The following GAS6 variants were observed in gnomAD, a reference collection of about 807,000 sequenced individuals.
GAS6 encodes the protein growth arrest-specific protein 6.
Under a neutral mutation model 75.8 loss-of-function variants are expected in GAS6, and 41 were observed. The ratio of observed to expected loss-of-function variants is 0.54; its 90% CI spans 0.42 to 0.70. The LOEUF (loss-of-function observed/expected upper bound fraction) is 0.70. Among genes scored for constraint, GAS6 ranks in the 30% least tolerant of loss-of-function variants. GAS6 has a pLI of 0.00. For synonymous variants in GAS6, 432 were observed against 412.6 expected (o/e 1.05, Z -0.57); for missense variants, 854 against 940.2 (o/e 0.91, Z 1.20).
intron 6 of GAS6, chr13:113,835,854 G>A: frequency 5.2e-6 from 7 of 1,353,438 alleles, no homozygotes; most frequent in Non-Finnish European, 6.6e-6. Context: ...TGGGAAGGCT[G>A]ACTTCAGCCC....
At chr13:113,838,217 G>A in intron 5 of GAS6, 26 bp from the exon 6 acceptor site, 1 of 1,610,964 alleles carries the variant, frequency 6.2e-7, no homozygotes, top group Non-Finnish European at 8.5e-7. Context: ...GGCCTGAAGG[G>A]GAGCCCAAGG....
intron 4 of GAS6, chr13:113,843,009 A>C (rs1443631496): frequency 2.5e-6 from 1 of 394,698 alleles, no homozygotes; most frequent in Non-Finnish European, 4.4e-6. Context: ...GAATGTATTG[A>C]TACCTCTAGG....
At chr13:113,821,812 C>T in intron 14 of GAS6, 146 bp downstream of exon 14, 2 of 648,200 alleles carry the variant, frequency 3.1e-6, no homozygotes, top group African/African-American at 1.8e-5. Context: ...TAACGACCCA[C>T]CTGGACTTCT....
In GAS6 at chr13:113,828,633, C is replaced by T. The variant is rs2051584743; in HGVS notation, c.1222G>A (p.Asp408Asn). 1 of 1,613,574 alleles carries T rather than the reference C, an allele frequency of 6.2e-7. No individual in the cohort carries two copies. Among genetic ancestry groups the T allele is most frequent in the African/African-American group, 1.3e-5 (1 of 75,070 alleles). ...AGTCCTCGCTCCGGTTGGAACAAGT[C>T]CCCGGCCACCGCGATTTTCATGACA... is the stretch of plus-strand genomic sequence containing the variant. ...DAVMKIAVAG[D>N]LFQPERGLYH... is the part of the protein sequence containing the mutation. Residue 408 changes from aspartate to asparagine, a missense_variant, in exon 11 of 15, where the codon GAC (aspartate) becomes AAC (asparagine). Asp to Asn is a conservative substitution (Grantham distance 23). Coordinates refer to ENST00000327773, the MANE Select transcript of GAS6 (RefSeq NM_000820.4).
intron 3 of GAS6, chr13:113,846,961 T>G (rs1273748669): frequency 2.0e-6 from 1 of 488,316 alleles, no homozygotes; most frequent in East Asian, 5.8e-5. Context: ...AACGCTGTGC[T>G]TAACTGGAAA....
chr13:113,863,910 G>A lies in GAS6; in HGVS notation c.11C>T (p.Ser4Leu). The change falls in exon 1 of 15, where the codon TCG (serine) becomes TTG (leucine). Residue 4 changes from serine (S) to leucine (L), a missense_variant. Transcript: ENST00000327773. This position sits in a 1 kb window ranked among gnomAD's most constrained non-coding sequence, Gnocchi z 9.4. ...CAGGGCGGCGGGCCCGGGCGAGAGC[G>A]AAGGGGCCATGGCGGGCCGGGGACG... is the stretch of plus-strand genomic sequence containing the variant. MAP[S>L]LSPGPAALRR... The A allele has an allele frequency of 2.6e-6, 3 of 1,174,062 alleles. No individual in the cohort carries two copies. Among genetic ancestry groups the A allele is most frequent in the Non-Finnish European group, 3.1e-6 (3 of 952,688 alleles). 72.7% of individuals were successfully genotyped at this position (1,174,062 alleles called of 1,614,324 possible). A position where few individuals can be genotyped will look rare whatever the true frequency, so the allele number is the denominator to read the frequency against.
At chr13:113,847,990 T>C (rs1202794369) in intron 3 of GAS6, 36 bp downstream of exon 3, 7 of 1,600,684 alleles carry the variant, frequency 4.4e-6, no homozygotes, top group Non-Finnish European at 5.1e-6. Context: ...ACTATGCCTC[T>C]ACGACAACCA....
At chr13:113,858,607 GTC>G (rs2051935223) in intron 2 of GAS6, among the ~76,000 whole-genome samples, 1 of 149,214 alleles carries the variant, frequency 6.7e-6, no homozygotes, top group African/African-American at 2.5e-5. Context: ...ATGTGTACAT[GTC>G]TGTGTGTGCC....
chr13:113,839,514 G>A, intron 5 of GAS6: 1 of 587,152 alleles, frequency 1.7e-6, no homozygotes, highest in South Asian at 2.5e-5. Flanking sequence ...GCATCACTTG[G>A]TGTTTCCTTT....
chr13:113,858,359 G>A (rs1029089855), intron 2 of GAS6, among the ~76,000 whole-genome samples: 4 of 152,208 alleles, frequency 2.6e-5, no homozygotes, highest in African/African-American at 9.7e-5. Flanking sequence ...ATGTCTATGT[G>A]AATGTGTGCA....
At chr13:113,862,598 GATGAGCT>G (rs1257694623) in intron 2 of GAS6, among the ~76,000 whole-genome samples, 1 of 152,226 alleles carries the variant, frequency 6.6e-6, no homozygotes, top group East Asian at 1.9e-4. Context: ...TCTCTGCAGG[GATGAGCT>G]ATGTCCACAA....
intron 2 of GAS6, among the ~76,000 whole-genome samples, chr13:113,855,410 C>T (rs1251469707): frequency 1.7e-4 from 26 of 152,232 alleles, no homozygotes; most frequent in African/African-American, 5.8e-4. Flanking sequence ...CCAGCCACCA[C>T]GTTCTATGAT....
chr13:113,835,915 G>A (rs2051697429), intron 6 of GAS6: 1 of 1,287,634 alleles, frequency 7.8e-7, no homozygotes, highest in Non-Finnish European at 9.8e-7. Flanking sequence ...GTGGGGGGCG[G>A]CGGTGCACGC....
In GAS6 at chr13:113,835,650, A is replaced by C; in HGVS notation, c.590-15T>G. On this transcript the variant is annotated splice_polypyrimidine_tract_variant and intron_variant, in intron 6 of 14. Transcript: ENST00000327773. ...CTCGTCTATGTCTGCAAGCAAAAAA[A>C]AACCGGCCAACCGCAGCACAGCGGC... 1.2e-6 allele frequency: 2 copies of C among 1,609,492 alleles called. No homozygotes were observed.
chr13:113,857,372 A>T (rs2051923218), intron 2 of GAS6, among the ~76,000 whole-genome samples: 2 of 152,250 alleles, frequency 1.3e-5, no homozygotes, highest in Admixed American at 1.3e-4. Context: ...TAAAACTTTT[A>T]AAATGAACCT....
At chr13:113,841,521 G>A (rs76129058) in intron 4 of GAS6, 8,986 of 61,432 alleles carry the variant, frequency 0.15, 67 homozygotes, top group South Asian at 0.24. Flanking sequence ...AGTTTCCTCC[G>A]TATGCCCCAG....
At position 113,863,054 on chromosome 13, in the gene GAS6, C is replaced by A. The variant is rs768024358; in HGVS notation, c.255+521G>T. On this transcript the variant is annotated intron_variant, in intron 2 of 14. Transcript: ENST00000327773. The surrounding 1 kb of genome is among the most constrained non-coding windows in gnomAD (Gnocchi z 9.4). ...CCGCTGCCTCCAGGAGAGCACCTGGCAGAACGGGGCCGCGGAGCCGCCCTC... is the reference window on the plus strand; with the variant it reads ...CCGCTGCCTCCAGGAGAGCACCTGGAAGAACGGGGCCGCGGAGCCGCCCTC... Among the ~76,000 whole-genome samples, 1 of 152,156 alleles carries A rather than the reference C, an allele frequency of 6.6e-6. No homozygotes were observed. The highest frequency in any genetic ancestry group is 1.5e-5 in the Non-Finnish European group (1 of 68,012).
intron 2 of GAS6, among the ~76,000 whole-genome samples, chr13:113,855,464 T>C (rs2051907029): frequency 6.6e-6 from 1 of 152,180 alleles, no homozygotes; most frequent in South Asian, 2.1e-4. Context: ...GTTCCCGGCT[T>C]ACAAATGGGG....
intron 6 of GAS6, chr13:113,835,926 T>G: frequency 8.3e-7 from 1 of 1,206,668 alleles, no homozygotes; most frequent in Non-Finnish European, 1.0e-6. Flanking sequence ...CGGTGCACGC[T>G]GTGCTGTTCC....
Sources: allele counts gnomAD v4.1 joint callset (sites outside exome capture counted in the v4.1 genomes callset), GRCh38; gene constraint gnomAD v4.1.1; non-coding constraint Gnocchi (gnomAD v3.1); transcripts MANE v1.5; gene names NCBI Gene and HGNC (gene_info 2026-07-23, HGNC 2026-07-21).